The following NXPH1 variants were observed in gnomAD, a reference collection of about 807,000 sequenced individuals.
NXPH1 encodes neurexophilin 1.
Under a neutral mutation model 23.7 loss-of-function variants are expected in NXPH1, and 5 were observed. The ratio of observed to expected loss-of-function variants is 0.21; its 90% CI spans 0.11 to 0.44. NXPH1 has a LOEUF of 0.44. Among genes scored for constraint, NXPH1 ranks in the 20% least tolerant of loss-of-function variants. The probability of loss-of-function intolerance (pLI) is 0.99; values close to 1 mark genes in which losing one functional copy is unlikely to be tolerated. For missense variants in NXPH1, 324 were observed against 321.6 expected (o/e 1.01, Z -0.06); for synonymous variants, 144 against 122.2 (o/e 1.18, Z -1.18).
chr7:8,644,611 A>T (rs1441467184), intron 2 of NXPH1, among the ~76,000 whole-genome samples: 3 of 152,090 alleles, frequency 2.0e-5, no homozygotes, highest in Non-Finnish European at 4.4e-5. Context: ...CAGAAAGAAC[A>T]TTGTGCTCTG....
intron 2 of NXPH1, among the ~76,000 whole-genome samples, chr7:8,729,959 T>C (rs1780121519): frequency 7.0e-6 from 1 of 143,526 alleles, no homozygotes; most frequent in Non-Finnish European, 1.5e-5. Flanking sequence ...CTCCCATTAT[T>C]AATGTGTGGG....
chr7:8,485,132 A>G (rs1487643201), intron 2 of NXPH1, among the ~76,000 whole-genome samples: 1 of 152,150 alleles, frequency 6.6e-6, no homozygotes, highest in Non-Finnish European at 1.5e-5. Flanking sequence ...AGGCAATTCA[A>G]TCACGTGGGC....
intron 2 of NXPH1, among the ~76,000 whole-genome samples, chr7:8,730,429 C>T (rs1208207066): frequency 3.3e-5 from 5 of 151,526 alleles, no homozygotes; most frequent in Non-Finnish European, 5.9e-5. Context: ...CAGTTTCTTC[C>T]TAGTCTTGAT....
intron 2 of NXPH1, among the ~76,000 whole-genome samples, chr7:8,664,196 C>T (rs1820726114): frequency 1.3e-5 from 2 of 152,088 alleles, no homozygotes; most frequent in Admixed American, 1.3e-4. Context: ...CATCTCCTCC[C>T]TCAAGTGCTT....
intron 2 of NXPH1, among the ~76,000 whole-genome samples, chr7:8,560,483 C>A (rs913844734): frequency 6.7e-6 from 1 of 148,418 alleles, no homozygotes; most frequent in Non-Finnish European, 1.5e-5. Flanking sequence ...CAGCCACTTA[C>A]TTGAATCCAC....
At chr7:8,498,484 C>G (rs577688593) in intron 2 of NXPH1, among the ~76,000 whole-genome samples, 1 of 152,032 alleles carries the variant, frequency 6.6e-6, no homozygotes, top group Non-Finnish European at 1.5e-5. Flanking sequence ...TCCATAGACC[C>G]AGCCTTGGAT....
At position 8,731,071 on chromosome 7, in the gene NXPH1, C is replaced by T. The variant is rs576720011; in HGVS notation, c.55-19937C>T. On this transcript the variant is annotated intron_variant, in intron 2 of 2. Transcript: ENST00000405863. ...ATTGTTTTTTCTCTAAACTTCCCTT[C>T]TCGCTTCATTTCATTCATTTCATCT... 9.0e-4 allele frequency among the ~76,000 whole-genome samples: 136 copies of T among 150,628 alleles called. 3 individuals carry two copies. The highest frequency in any genetic ancestry group is 3.3e-3 in the African/African-American group (134 of 40,774).
intron 2 of NXPH1, among the ~76,000 whole-genome samples, chr7:8,453,336 A>G (rs1816538820): frequency 6.6e-6 from 1 of 152,156 alleles, no homozygotes; most frequent in African/African-American, 2.4e-5. Context: ...GGCAGGAAAG[A>G]GACAAAAAAC....
intron 2 of NXPH1, among the ~76,000 whole-genome samples, chr7:8,541,561 T>C (rs146509502): frequency 2.3e-3 from 352 of 151,620 alleles, no homozygotes; most frequent in African/African-American, 8.0e-3. Flanking sequence ...GTGATAAATA[T>C]AAAGAGGGAA....
chr7:8,526,159 G>C (rs926538108), intron 2 of NXPH1, among the ~76,000 whole-genome samples: 4 of 152,250 alleles, frequency 2.6e-5, no homozygotes, highest in African/African-American at 9.6e-5. Context: ...GCGTGAGCTG[G>C]ATGTGAGATC....
rs577260647 is a variant in NXPH1, at chr7:8,525,251, T to G, written c.54+89484T>G. Reference sequence around the variant, plus strand: ...ATTTTGCCCATGCCCTAGAGATTTTTGGAACTTTGAACTTGAGAGAGATGA... The same window carrying G: ...ATTTTGCCCATGCCCTAGAGATTTTGGGAACTTTGAACTTGAGAGAGATGA... On this transcript the variant is annotated intron_variant, in intron 2 of 2. Coordinates refer to ENST00000405863, the MANE Select transcript of NXPH1 (RefSeq NM_152745.3). Among the ~76,000 whole-genome samples the G allele has an allele frequency of 2.0e-5, 3 of 152,334 alleles. No individual in the cohort carries two copies. The South Asian group carries it at 6.2e-4, about 32-fold the overall frequency.
chr7:8,559,657 G>T (rs2128620566), intron 2 of NXPH1, among the ~76,000 whole-genome samples: 1 of 151,734 alleles, frequency 6.6e-6, no homozygotes, highest in Middle Eastern at 3.4e-3. Context: ...GTTGATAGAA[G>T]GCTGGGGTTG....
At chr7:8,443,266 C>A (rs557886219) in intron 2 of NXPH1, among the ~76,000 whole-genome samples, 1 of 152,236 alleles carries the variant, frequency 6.6e-6, no homozygotes, top group East Asian at 1.9e-4. Flanking sequence ...GTGATCACCA[C>A]GGAGATTTTG....
chr7:8,724,456 G>A (rs1214233659), intron 2 of NXPH1, among the ~76,000 whole-genome samples: 1 of 152,154 alleles, frequency 6.6e-6, no homozygotes, highest in Admixed American at 6.5e-5. Context: ...TATCCACAGT[G>A]CTCAAGGTAA....
Position 8,647,777 on chromosome 7 carries a change from CG to C in NXPH1, c.55-103229del, listed in dbSNP as rs1258050696. On this transcript the variant is annotated intron_variant, in intron 2 of 2. Transcript: ENST00000405863. The stretch of plus-strand genomic sequence containing the variant: ...CACTGATTCAATTTTCTTAACCATT[CG>C]GTTTTTTTTTTTTAACTAAGTTTGG... 4.3e-4 allele frequency among the ~76,000 whole-genome samples: 63 copies of C among 146,014 alleles called. 1 individual carries two copies. The highest frequency in any genetic ancestry group is 1.6e-3 in the African/African-American group (61 of 38,892).
intron 2 of NXPH1, among the ~76,000 whole-genome samples, chr7:8,513,312 T>A (rs1817639342): frequency 6.6e-6 from 1 of 152,076 alleles, no homozygotes; most frequent in African/African-American, 2.4e-5. Context: ...AGGTTCTCAG[T>A]CTCTTACCTG....
At chr7:8,436,736 C>T (rs1816203070) in intron 2 of NXPH1, among the ~76,000 whole-genome samples, 1 of 152,294 alleles carries the variant, frequency 6.6e-6, no homozygotes, top group Middle Eastern at 3.4e-3. Context: ...ACCGAGGGCT[C>T]GCTATGTTCT....
intron 2 of NXPH1, among the ~76,000 whole-genome samples, chr7:8,618,155 T>C (rs1033771961): frequency 1.3e-5 from 2 of 152,198 alleles, no homozygotes; most frequent in Non-Finnish European, 2.9e-5. Context: ...TTTTCTTTGA[T>C]GTTAACAACA....
intron 2 of NXPH1, among the ~76,000 whole-genome samples, chr7:8,731,899 C>T (rs1237643016): frequency 6.6e-6 from 1 of 152,250 alleles, no homozygotes; most frequent in Non-Finnish European, 1.5e-5. Context: ...GCTTTGTTTA[C>T]CTAAGCAAGC....
Sources: gnomAD v4.1 joint callset for allele counts (sites outside exome capture counted in the v4.1 genomes callset) on GRCh38, gnomAD v4.1.1 for gene constraint, MANE v1.5 for transcripts, NCBI Gene and HGNC (gene_info 2026-07-23, HGNC 2026-07-21) for gene names.